Variants in LCP1 observed in about 807,000 individuals in gnomAD.
LCP1 encodes the protein lymphocyte cytosolic protein 1, also known as plastin-2.
LCP1 carries 23 observed loss-of-function variants against 72.0 expected under a neutral mutation model. The ratio of observed to expected loss-of-function variants is 0.32; its 90% confidence interval spans 0.23 to 0.45. LCP1 has a LOEUF of 0.45. Ranked by LOEUF, LCP1 falls within the 20% of genes least tolerant of loss-of-function variation. The pLI is 1.00. For missense variants in LCP1, 571 were observed against 748.3 expected (o/e 0.76, Z 2.76); for synonymous variants, 245 against 275.4 (o/e 0.89, Z 1.09).
At chr13:46,177,814 T>TCAGTCAAGTGTA (rs1380440144) in intron 1 of LCP1, among the ~76,000 whole-genome samples, 2 of 152,190 alleles carry the variant, frequency 1.3e-5, no homozygotes, top group African/African-American at 4.8e-5. Flanking sequence ...CAACTTCTAC[T>TCAGTCAAGTGTA]CAGTCAAGTG....
Position 46,127,482 on chromosome 13 carries a change from T to A in LCP1, c.*109A>T, listed in dbSNP as rs2045605906. ...CACTAATATGTGCTTTTTGGAATCT[T>A]ATAGAGTGTCACCAAGTTGAACTTT... On this transcript the variant is annotated 3_prime_UTR_variant, in exon 16 of 16. Coordinates refer to ENST00000323076, the MANE Select transcript of LCP1 (RefSeq NM_002298.5). The A allele has an allele frequency of 7.1e-7, 1 of 1,406,272 alleles. No homozygotes were observed. Among genetic ancestry groups the A allele is most frequent in the East Asian group, 2.3e-5 (1 of 43,522 alleles). 87.1% of individuals were successfully genotyped at this position (1,406,272 alleles called of 1,614,324 possible). A position where few individuals can be genotyped will look rare whatever the true frequency, so the allele number is the denominator to read the frequency against.
chr13:46,133,188 A>C (rs927813207), intron 14 of LCP1, among the ~76,000 whole-genome samples: 4 of 152,220 alleles, frequency 2.6e-5, no homozygotes, highest in African/African-American at 7.2e-5. Context: ...CACCATTATA[A>C]TATTAATCTG....
intron 1 of LCP1, among the ~76,000 whole-genome samples, chr13:46,174,880 A>C (rs2045921632): frequency 6.6e-6 from 1 of 152,112 alleles, no homozygotes; most frequent in African/African-American, 2.4e-5. Flanking sequence ...TGGAATTACA[A>C]ATAATCATTC....
intron 1 of LCP1, among the ~76,000 whole-genome samples, chr13:46,162,901 C>T (rs1176064659): frequency 6.7e-6 from 1 of 148,846 alleles, no homozygotes; most frequent in Non-Finnish European, 1.5e-5. Context: ...GGAGCCCCTC[C>T]GCCCGGCAGC....
At chr13:46,175,053 A>G in intron 1 of LCP1, among the ~76,000 whole-genome samples, 1 of 152,102 alleles carries the variant, frequency 6.6e-6, no homozygotes, top group African/African-American at 2.4e-5. Flanking sequence ...TGACTCTGCC[A>G]GTTACTGGTT....
chr13:46,136,809 C>T (rs1057295258), intron 13 of LCP1, among the ~76,000 whole-genome samples: 4 of 152,140 alleles, frequency 2.6e-5, no homozygotes, highest in Non-Finnish European at 4.4e-5. Flanking sequence ...TATAACCTGA[C>T]GGAACAAACT....
Position 46,146,178 on chromosome 13 carries a change from A to G in LCP1, c.1174+730T>C, listed in dbSNP as rs140047855. ...ATTCAGCAAATGACACCAATGCAGG[A>G]GTGTTGGAGCACGATTATGCTGCAT... On this transcript the variant is annotated intron_variant, in intron 10 of 15. Coordinates refer to ENST00000323076, the MANE Select transcript of LCP1 (RefSeq NM_002298.5). Among the ~76,000 whole-genome samples the G allele has an allele frequency of 2.9e-3, 443 of 152,268 alleles. 4 individuals are homozygous for G. Among genetic ancestry groups the G allele is most frequent in the African/African-American group, 0.01 (416 of 41,540 alleles).
At chr13:46,148,634 T>C in intron 8 of LCP1, 187 bp from the exon 9 acceptor site, 1 of 540,234 alleles carries the variant, frequency 1.9e-6, no homozygotes, top group Non-Finnish European at 3.1e-6. Flanking sequence ...TCACATTTGC[T>C]TTTCTTTTTA....
chr13:46,173,667 T>G (rs1422356699), intron 1 of LCP1, among the ~76,000 whole-genome samples: 1 of 152,222 alleles, frequency 6.6e-6, no homozygotes, highest in Non-Finnish European at 1.5e-5. Context: ...GTTCTCAGTC[T>G]GGCTTATTTT....
At chr13:46,145,648 GCC>G (rs1161183648) in intron 10 of LCP1, among the ~76,000 whole-genome samples, 1 of 134,536 alleles carries the variant, frequency 7.4e-6, no homozygotes, top group African/African-American at 3.0e-5. Flanking sequence ...GGTGGCTCAC[GCC>G]TGTAATCCCA....
Position 46,127,415 on chromosome 13 carries a change from A to C in LCP1, c.*176T>G. On this transcript the variant is annotated 3_prime_UTR_variant, in exon 16 of 16. Transcript: ENST00000323076. Reference sequence around the variant, plus strand: ...TAGGAGGTTGGGCCTCCTGCAAAGAATGAAGCACTTTTTGTTAAATACAGG... The same window carrying C: ...TAGGAGGTTGGGCCTCCTGCAAAGACTGAAGCACTTTTTGTTAAATACAGG... The C allele has an allele frequency of 7.6e-6, 5 of 659,828 alleles. No individual in the cohort carries two copies. In the South Asian group the frequency reaches 1.2e-4, roughly 16 times the overall value. 40.9% of individuals were successfully genotyped at this position (659,828 alleles called of 1,614,324 possible).
chr13:46,165,949 T>TTA (rs1159134533), intron 1 of LCP1, among the ~76,000 whole-genome samples: 1 of 151,996 alleles, frequency 6.6e-6, no homozygotes, highest in Non-Finnish European at 1.5e-5. Context: ...TTATATTATT[T>TTA]TTAAAACCTT....
At chr13:46,142,999 A>G (rs780734195) in intron 12 of LCP1, among the ~76,000 whole-genome samples, 1 of 152,212 alleles carries the variant, frequency 6.6e-6, no homozygotes, top group Non-Finnish European at 1.5e-5. Flanking sequence ...TAGAATAAAG[A>G]TCCTGCTGAG....
chr13:46,168,253 A>G (rs758981717), intron 1 of LCP1, among the ~76,000 whole-genome samples: 6 of 152,256 alleles, frequency 3.9e-5, no homozygotes, highest in Non-Finnish European at 5.9e-5. Context: ...TAAAAGTTCC[A>G]AAATTCTATG....
chr13:46,170,727 C>T (rs1307754759), intron 1 of LCP1, among the ~76,000 whole-genome samples: 2 of 152,198 alleles, frequency 1.3e-5, no homozygotes, highest in Non-Finnish European at 2.9e-5. Flanking sequence ...TTGTAAATTT[C>T]TTCCTTCAAT....
chr13:46,147,869 C>T (rs1478411457), intron 9 of LCP1, among the ~76,000 whole-genome samples: 3 of 152,058 alleles, frequency 2.0e-5, no homozygotes, highest in East Asian at 3.9e-4. Flanking sequence ...TACTAGATAA[C>T]GCTACACATT....
chr13:46,148,405 T>C lies in LCP1; in HGVS notation c.925A>G (p.Lys309Glu), dbSNP rs780965829. 15 of 1,613,264 alleles carry C rather than the reference T, an allele frequency of 9.3e-6. No individual in the cohort carries two copies. In the Middle Eastern group the frequency reaches 6.6e-4, roughly 71 times the overall value. The change falls in exon 9 of 16, where the codon AAA becomes GAA. Residue 309 changes from lysine to glutamate, a missense_variant. Lys to Glu is a moderately conservative substitution (Grantham distance 56, BLOSUM62 1). Coordinates refer to ENST00000323076, the MANE Select transcript of LCP1 (RefSeq NM_002298.5). The stretch of plus-strand genomic sequence containing the variant: ...GCAGGAACACCTTCTTCATCTCCTT[T>C]TGGAGCCACCTGCTCAAGCAGGTGG... ...YYHLLEQVAP[K>E]GDEEGVPAVV...
chr13:46,139,249 G>T (rs1169261959), intron 13 of LCP1, among the ~76,000 whole-genome samples: 2 of 152,162 alleles, frequency 1.3e-5, no homozygotes, highest in African/African-American at 4.8e-5. Flanking sequence ...CTGCACCAGG[G>T]GAGCCTTATG....
At chr13:46,128,029 A>AG (rs2045610428) in intron 15 of LCP1, among the ~76,000 whole-genome samples, 1 of 137,002 alleles carries the variant, frequency 7.3e-6, no homozygotes, top group Non-Finnish European at 1.5e-5. Context: ...TTGTAGAGAC[A>AG]GGGGTCTCAC....
Sources: gnomAD v4.1 joint callset for allele counts (sites outside exome capture counted in the v4.1 genomes callset) on GRCh38, gnomAD v4.1.1 for gene constraint, MANE v1.5 for transcripts, NCBI Gene and HGNC (gene_info 2026-07-23, HGNC 2026-07-21) for gene names.